Variants in ABLIM1 observed in about 807,000 individuals in gnomAD.
ABLIM1 encodes actin-binding LIM protein 1.
In ABLIM1, 40 loss-of-function variants were observed where a neutral mutation model predicts 107.0. The ratio of observed to expected loss-of-function variants is 0.37; its 90% CI spans 0.29 to 0.49. ABLIM1 has a LOEUF of 0.49. Among genes scored for constraint, ABLIM1 ranks in the 20% least tolerant of loss-of-function variants. The pLI, the probability that ABLIM1 is intolerant of heterozygous loss-of-function variation, is 0.97. For synonymous variants in ABLIM1, 357 were observed against 357.3 expected (o/e 1.00, Z 0.01); for missense variants, 857 against 1,008.5 (o/e 0.85, Z 2.04).
chr10:114,778,988 G>T, the ABLIM1 span: 1 of 152,164 alleles, frequency 6.6e-6, no homozygotes, highest in Non-Finnish European at 1.5e-5. Context: ...TCTCCAGTGT[G>T]CATTTTGTTC....
At chr10:114,572,924 C>T (rs1427493804) in intron 3 of ABLIM1, among the ~76,000 whole-genome samples, 1 of 152,142 alleles carries the variant, frequency 6.6e-6, no homozygotes, top group Non-Finnish European at 1.5e-5. Context: ...AATAAGTGCC[C>T]TTTACCTGTT....
intron 1 of ABLIM1, among the ~76,000 whole-genome samples, chr10:114,648,259 A>G (rs1237722179): frequency 1.3e-5 from 2 of 152,252 alleles, no homozygotes; most frequent in African/African-American, 4.8e-5. Flanking sequence ...CATAATAGCC[A>G]GAAAGCAGGA....
rs565859928 is a variant in ABLIM1, at chr10:114,561,005, A to C, written c.673+10292T>G. 2.0e-5 allele frequency among the ~76,000 whole-genome samples: 3 copies of C among 152,380 alleles called. No homozygotes were observed. In the East Asian group the frequency reaches 5.8e-4, roughly 29 times the overall value. On this transcript the variant is annotated intron_variant, in intron 4 of 22. Transcript: ENST00000533213. ...ATTTGCAGTGAATGCATTAAAGGCCACTGAAACGTTCAATTTAAAATGGTC... is the reference window on the plus strand; with the variant it reads ...ATTTGCAGTGAATGCATTAAAGGCCCCTGAAACGTTCAATTTAAAATGGTC...
At chr10:114,505,411 T>G (rs961955338) in intron 6 of ABLIM1, among the ~76,000 whole-genome samples, 2 of 152,182 alleles carry the variant, frequency 1.3e-5, no homozygotes, top group Non-Finnish European at 2.9e-5. Context: ...CACAATAGCA[T>G]GTTGGAGTCA....
intron 1 of ABLIM1, among the ~76,000 whole-genome samples, chr10:114,655,982 C>T (rs1237395577): frequency 1.3e-5 from 2 of 152,108 alleles, no homozygotes; most frequent in Non-Finnish European, 2.9e-5. Flanking sequence ...ATAAAAAAGT[C>T]AGATAAGGCC....
chr10:114,743,314 C>CAGAGT (rs1170325885), intron 1 of ABLIM1, among the ~76,000 whole-genome samples: 1 of 152,116 alleles, frequency 6.6e-6, no homozygotes, highest in Non-Finnish European at 1.5e-5. Flanking sequence ...GAAGAACTCT[C>CAGAGT]AGAGTAAGTA....
chr10:114,588,483 CTTTCTTTTTTTT>C (rs1202208765), intron 2 of ABLIM1, among the ~76,000 whole-genome samples: 11 of 123,470 alleles, frequency 8.9e-5, no homozygotes, highest in African/African-American at 3.4e-4. Context: ...CTTTTTCTTT[CTTTCTTTTTTTT>C]TTTTTTTTTT....
At chr10:114,561,565 T>C (rs2069704826) in intron 4 of ABLIM1, among the ~76,000 whole-genome samples, 3 of 152,194 alleles carry the variant, frequency 2.0e-5, no homozygotes, top group Non-Finnish European at 4.4e-5. Context: ...CAACTACTAA[T>C]AGCAATTGCT....
At chr10:114,510,704 G>T (rs1168676508) in intron 6 of ABLIM1, among the ~76,000 whole-genome samples, 2 of 151,572 alleles carry the variant, frequency 1.3e-5, no homozygotes, top group Non-Finnish European at 2.9e-5. Flanking sequence ...AGGGTGGAAT[G>T]CAGTGATGCG....
At chr10:114,472,730 G>A (rs1230588184) in intron 10 of ABLIM1, among the ~76,000 whole-genome samples, 7 of 103,694 alleles carry the variant, frequency 6.8e-5, no homozygotes, top group South Asian at 3.4e-4. Flanking sequence ...CCCACCTCCC[G>A]ACAGCTTCCA....
At chr10:114,456,151 TC>T (rs2062786598) in intron 12 of ABLIM1, among the ~76,000 whole-genome samples, 1 of 152,152 alleles carries the variant, frequency 6.6e-6, no homozygotes, top group South Asian at 2.1e-4. Context: ...ATATAGCAGG[TC>T]CTTGAAGAAC....
At chr10:114,730,100 C>T (rs996265904) in intron 1 of ABLIM1, among the ~76,000 whole-genome samples, 1 of 151,992 alleles carries the variant, frequency 6.6e-6, no homozygotes, top group African/African-American at 2.4e-5. Flanking sequence ...TAATGAAGTA[C>T]AGAATTCTAC....
At chr10:114,738,380 A>C (rs925108648) in intron 1 of ABLIM1, among the ~76,000 whole-genome samples, 4 of 152,172 alleles carry the variant, frequency 2.6e-5, no homozygotes, top group African/African-American at 9.6e-5. Flanking sequence ...ATAATCAAAA[A>C]ATGATGCTTT....
chr10:114,548,258 C>T (rs1461603916), intron 4 of ABLIM1, among the ~76,000 whole-genome samples: 1 of 152,204 alleles, frequency 6.6e-6, no homozygotes, highest in African/African-American at 2.4e-5. Flanking sequence ...ACCCTACTTC[C>T]TTATCAATCC....
chr10:114,592,227 A>G (rs529242737), intron 2 of ABLIM1, among the ~76,000 whole-genome samples: 2 of 152,318 alleles, frequency 1.3e-5, no homozygotes, highest in Admixed American at 6.5e-5. Context: ...GGCCTTATTG[A>G]TAAGTGACAT....
At chr10:114,665,340 A>T (rs1445139051) in intron 1 of ABLIM1, among the ~76,000 whole-genome samples, 1 of 152,234 alleles carries the variant, frequency 6.6e-6, no homozygotes, top group East Asian at 1.9e-4. Flanking sequence ...TGGCACTGCC[A>T]GGATTGTGAA....
intron 1 of ABLIM1, among the ~76,000 whole-genome samples, chr10:114,611,166 AAT>A (rs2076783481): frequency 6.6e-6 from 1 of 151,806 alleles, no homozygotes; most frequent in African/African-American, 2.4e-5. Flanking sequence ...AAAAAAAAAA[AAT>A]AGATACCCTG....
At chr10:114,660,665 G>A (rs1457723994), upstream of ABLIM1, among the ~76,000 whole-genome samples, 3 of 152,138 alleles carry the variant, frequency 2.0e-5, no homozygotes, top group African/African-American at 7.2e-5. Context: ...ATTCTTTCTT[G>A]CTGGGTTTCC....
At chr10:114,559,030 G>T (rs1289554115) in intron 4 of ABLIM1, among the ~76,000 whole-genome samples, 1 of 151,868 alleles carries the variant, frequency 6.6e-6, no homozygotes, top group African/African-American at 2.4e-5. Flanking sequence ...ACTTCAAAAT[G>T]ACCAGGTAAC....
Sources: allele counts gnomAD v4.1 joint callset (sites outside exome capture counted in the v4.1 genomes callset), GRCh38; gene constraint gnomAD v4.1.1; transcripts MANE v1.5; gene names NCBI Gene and HGNC (gene_info 2026-07-23, HGNC 2026-07-21).